Variants in GMNN observed in about 807,000 individuals in gnomAD.
GMNN encodes the protein geminin DNA replication inhibitor.
GMNN carries 14 observed loss-of-function variants against 20.9 expected under a neutral mutation model. That is an observed-to-expected ratio of 0.67 (90% CI 0.44 to 1.05). The LOEUF (loss-of-function observed/expected upper bound fraction) is 1.05, where lower values mean the gene tolerates loss of function less well. GMNN is among the 50% of genes least tolerant of loss of function. The probability of loss-of-function intolerance (pLI) is 0.00; values close to 1 mark genes in which losing one functional copy is unlikely to be tolerated. For synonymous variants in GMNN, 81 were observed against 85.8 expected, an observed-to-expected ratio of 0.94 and a Z score of 0.31; for missense variants, 227 against 243.8, an observed-to-expected ratio of 0.93 and a Z score of 0.46.
At position 24,781,493 on chromosome 6, in the gene GMNN, C is replaced by T; in HGVS notation, c.146C>T (p.Ser49Phe). The change falls in exon 4 of 7, where the codon TCC (serine) becomes TTC (phenylalanine). Residue 49 changes from serine to phenylalanine, a missense_variant. Transcript: ENST00000230056. ...TCATTATAGCTGTCCGCAGGCTTGTCCAAAAGGAAACATCGGAATGACCAC... is the reference window on the plus strand; with the variant it reads ...TCATTATAGCTGTCCGCAGGCTTGTTCAAAAGGAAACATCGGAATGACCAC... ...GRENELSAGL[S>F]KRKHRNDHLT... The T allele has an allele frequency of 6.3e-7, 1 of 1,598,350 alleles. No homozygotes were observed. Among genetic ancestry groups the T allele is most frequent in the Non-Finnish European group, 8.6e-7 (1 of 1,168,036 alleles).
At chr6:24,783,967 C>A in intron 4 of GMNN, 120 bp from the exon 5 acceptor site, 1 of 455,696 alleles carries the variant, frequency 2.2e-6, no homozygotes, top group Non-Finnish European at 4.1e-6. Flanking sequence ...TAACTTTAAT[C>A]TTTTAAAAAT....
At chr6:24,776,439 G>A (rs1003910471) in intron 1 of GMNN, among the ~76,000 whole-genome samples, 5 of 152,210 alleles carry the variant, frequency 3.3e-5, no homozygotes, top group Non-Finnish European at 7.3e-5. Context: ...CACCACGCCC[G>A]GCCTTTCCTA....
At chr6:24,775,344 C>T (rs1029119886) in intron 1 of GMNN, 100 bp downstream of exon 1, 1 of 152,408 alleles carries the variant, frequency 6.6e-6, no homozygotes, top group South Asian at 2.1e-4. Context: ...TTGGCGCGCT[C>T]TCACTTCCGC....
At chr6:24,775,999 G>GT (rs1780058926) in intron 1 of GMNN, among the ~76,000 whole-genome samples, 4 of 152,182 alleles carry the variant, frequency 2.6e-5, no homozygotes, top group African/African-American at 9.7e-5. Flanking sequence ...GAAGAACATT[G>GT]CGTAGGGTCT....
Position 24,781,641 on chromosome 6 carries a change from T to C in GMNN, c.274+20T>C. 1 of 1,255,758 alleles carries C rather than the reference T, an allele frequency of 8.0e-7. No individual in the cohort carries two copies. The highest frequency in any genetic ancestry group is 1.1e-6 in the Non-Finnish European group (1 of 926,146). 77.8% of individuals were successfully genotyped at this position (1,255,758 alleles called of 1,614,324 possible). ...TTAAAGGTATGAAAAAATAGATAAC[T>C]TTTGTCTTAATTTTAAATTATGATA... On this transcript the variant is annotated intron_variant, in intron 4 of 6. Coordinates refer to ENST00000230056, the MANE Select transcript of GMNN (RefSeq NM_015895.5).
At position 24,780,881 on chromosome 6, in the gene GMNN, G is replaced by T. The variant is rs1047396091; in HGVS notation, c.129+141G>T. On this transcript the variant is annotated intron_variant, in intron 3 of 6. Transcript: ENST00000230056. ...GAATCACAATTATATATTTCCCAAA[G>T]AAGTGATTTTGGTTTTAATTGTTCA... 1.3e-5 allele frequency: 8 copies of T among 601,188 alleles called. 1 individual carries two copies. The highest frequency in any genetic ancestry group is 1.3e-4 in the African/African-American group (7 of 53,720). 37.2% of individuals were successfully genotyped at this position (601,188 alleles called of 1,614,324 possible). A position where few individuals can be genotyped will look rare whatever the true frequency, so the allele number is the denominator to read the frequency against.
chr6:24,784,481 C>G lies in GMNN; in HGVS notation c.395C>G (p.Ala132Gly). Residue 132 changes from alanine (A) to glycine (G), a missense_variant, in exon 6 of 7, where the codon GCC becomes GGC. Transcript: ENST00000230056. ...KEIEQKDNEIARLKKENKELA... is the reference protein window; with the variant it reads ...KEIEQKDNEIGRLKKENKELA... ...ATTGAACAAAAGGACAATGAAATTG[C>G]CCGCCTGAAAAAGGAGAATAAAGAA... 1 of 1,582,354 alleles carries G rather than the reference C, an allele frequency of 6.3e-7. No homozygotes were observed. The highest frequency in any genetic ancestry group is 1.1e-5 in the South Asian group (1 of 90,396).
intron 4 of GMNN, among the ~76,000 whole-genome samples, chr6:24,782,963 T>C (rs944515284): frequency 6.6e-6 from 1 of 152,078 alleles, no homozygotes; most frequent in Non-Finnish European, 1.5e-5. Flanking sequence ...TTCCTAGCAC[T>C]GCCCCTAAAC....
intron 2 of GMNN, among the ~76,000 whole-genome samples, chr6:24,779,184 TTAAA>T (rs1428174825): frequency 6.6e-6 from 1 of 152,212 alleles, no homozygotes; most frequent in Admixed American, 6.5e-5. Flanking sequence ...TCACAGAGTA[TTAAA>T]TAGTTTTCCA....
chr6:24,784,311 T>C lies in GMNN; in HGVS notation c.358-133T>C, dbSNP rs576294980. 1.6e-4 allele frequency: 113 copies of C among 685,044 alleles called. 1 individual carries two copies. In the Admixed American group the frequency reaches 2.5e-3, roughly 15 times the overall value. The allele number at this position is 685,044 out of a possible 1,614,324, so 42.4% of individuals were successfully genotyped here. On this transcript the variant is annotated intron_variant, in intron 5 of 6. Transcript: ENST00000230056. ...GTAAAAAGGCAGCTCTTGACAATTA[T>C]ACAAAATGAATCCCGTTGTGTTGAG... is the stretch of plus-strand genomic sequence containing the variant.
intron 1 of GMNN, among the ~76,000 whole-genome samples, chr6:24,776,320 A>G (rs1780068409): frequency 6.6e-6 from 1 of 152,026 alleles, no homozygotes; most frequent in Admixed American, 6.6e-5. Flanking sequence ...CTGGTTTCGA[A>G]CTTCTGACCT....
chr6:24,777,264 G>C lies in GMNN; in HGVS notation c.18G>C (p.Lys6Asn), dbSNP rs1780097254. 1 of 1,415,430 alleles carries C rather than the reference G, an allele frequency of 7.1e-7. No individual in the cohort carries two copies. The highest frequency in any genetic ancestry group is 1.5e-5 in the African/African-American group (1 of 68,746). The allele number at this position is 1,415,430 out of a possible 1,614,324, so 87.7% of individuals were successfully genotyped here. A position where few individuals can be genotyped will look rare whatever the true frequency, so the allele number is the denominator to read the frequency against. ...TCTACATAATGAATCCCAGTATGAA[G>C]CAGAAACAAGAAGAAATCAAAGAGA... MNPSM[K>N]QKQEEIKENI... Residue 6 changes from lysine to asparagine, a missense_variant, in exon 2 of 7, where the codon AAG becomes AAC. Transcript: ENST00000230056.
In GMNN at chr6:24,781,715, T is replaced by TACAGTATA. The variant is rs1265960611; in HGVS notation, c.274+94_274+95insACAGTATA. ...TTATGAATTCTGCCAATTACTGTAA[T>TACAGTATA]CTGGGGATAGTATAACAGCACTATA... is the stretch of plus-strand genomic sequence containing the variant. On this transcript the variant is annotated intron_variant, in intron 4 of 6. Transcript: ENST00000230056. The TACAGTATA allele has an allele frequency of 8.1e-5, 44 of 542,832 alleles. 1 individual carries two copies. The Admixed American group carries it at 8.5e-4, about 10-fold the overall frequency. 33.6% of individuals were successfully genotyped at this position (542,832 alleles called of 1,614,324 possible).
At chr6:24,784,349 G>T in intron 5 of GMNN, 95 bp from the exon 6 acceptor site, 1 of 714,468 alleles carries the variant, frequency 1.4e-6, no homozygotes, top group East Asian at 2.5e-5. Flanking sequence ...TCAATTCTAT[G>T]CTGCATGTCC....
chr6:24,781,452 C>T, intron 3 of GMNN, 25 bp from the exon 4 acceptor site: 2 of 1,496,110 alleles, frequency 1.3e-6, no homozygotes, highest in South Asian at 2.5e-5. Flanking sequence ...AAAGTAAATA[C>T]AGTTGATAAG....
chr6:24,782,325 A>T (rs1373618873), intron 4 of GMNN, among the ~76,000 whole-genome samples: 1 of 152,208 alleles, frequency 6.6e-6, no homozygotes, highest in Non-Finnish European at 1.5e-5. Context: ...TATAATAAGT[A>T]CTAGTTTTTA....
chr6:24,777,489 G>A (rs992687196), intron 2 of GMNN, 192 bp downstream of exon 2: 1 of 354,236 alleles, frequency 2.8e-6, no homozygotes. Flanking sequence ...AAGAATATGG[G>A]TTGTCTCTCT....
In GMNN at chr6:24,786,093, T is replaced by A. The variant is rs1780348616; in HGVS notation, c.*294T>A. ...AATAATGAAATATAAGGAGTATGTG[T>A]AGAAAATTTGTCTGTTTCTATGCTT... On this transcript the variant is annotated 3_prime_UTR_variant, in exon 7 of 7. Coordinates refer to ENST00000230056, the MANE Select transcript of GMNN (RefSeq NM_015895.5). 1 of 224,870 alleles carries A rather than the reference T, an allele frequency of 4.4e-6. No individual in the cohort carries two copies. The highest frequency in any genetic ancestry group is 5.9e-5 in the Admixed American group (1 of 16,880). 13.9% of individuals were successfully genotyped at this position (224,870 alleles called of 1,614,324 possible).
intron 5 of GMNN, 109 bp from the exon 6 acceptor site, chr6:24,784,333 TGA>T: frequency 4.3e-6 from 3 of 693,026 alleles, no homozygotes; most frequent in Non-Finnish European, 5.2e-6. Context: ...CCCGTTGTGT[TGA>T]GAGTCAATTC....
Sources: allele counts gnomAD v4.1 joint callset (sites outside exome capture counted in the v4.1 genomes callset), GRCh38; gene constraint gnomAD v4.1.1; transcripts MANE v1.5; gene names NCBI Gene and HGNC (gene_info 2026-07-23, HGNC 2026-07-21).